The following RFX3 variants were observed in gnomAD, a reference collection of about 807,000 sequenced individuals.
RFX3 encodes the protein regulatory factor X3.
In RFX3, 14 loss-of-function variants were observed where a neutral mutation model predicts 98.6. The observed-to-expected ratio is 0.14, with a 90% confidence interval of 0.09 to 0.22. The LOEUF is 0.22. RFX3 is among the 10% of genes least tolerant of loss of function. RFX3 has a pLI of 1.00. For missense variants in RFX3, 639 were observed against 926.9 expected (o/e 0.69, Z 4.03); for synonymous variants, 383 against 328.4 (o/e 1.17, Z -1.80).
chr9:3,492,506 C>T (rs528402256), intron 1 of RFX3, among the ~76,000 whole-genome samples: 1 of 152,320 alleles, frequency 6.6e-6, no homozygotes, highest in Admixed American at 6.5e-5. Context: ...CAGCACATTC[C>T]CAGGACCCCA....
intron 2 of RFX3, among the ~76,000 whole-genome samples, chr9:3,394,229 C>T (rs1840617735): frequency 6.6e-6 from 1 of 152,006 alleles, no homozygotes; most frequent in Admixed American, 6.6e-5. Flanking sequence ...TTTGGGAGGT[C>T]GAGGTGGGCG....
intron 2 of RFX3, 24 bp downstream of exon 2, chr9:3,395,448 T>C: frequency 2.5e-6 from 4 of 1,608,294 alleles, no homozygotes; most frequent in Non-Finnish European, 3.4e-6. Flanking sequence ...AACAGCATCT[T>C]TTCTAAGAGC....
chr9:3,340,660 T>C (rs369093020), intron 3 of RFX3, among the ~76,000 whole-genome samples: 14 of 152,276 alleles, frequency 9.2e-5, no homozygotes, highest in African/African-American at 3.4e-4. Flanking sequence ...AAAATGCTCA[T>C]CATCACTGGC....
At chr9:3,365,986 G>C (rs1167345172) in intron 2 of RFX3, among the ~76,000 whole-genome samples, 4 of 151,962 alleles carry the variant, frequency 2.6e-5, no homozygotes, top group African/African-American at 9.7e-5. Context: ...CTGTGTGGCA[G>C]TCAGTGGTGC....
chr9:3,307,288 A>G (rs535129254), intron 4 of RFX3, among the ~76,000 whole-genome samples: 2 of 152,262 alleles, frequency 1.3e-5, no homozygotes, highest in South Asian at 2.1e-4. Flanking sequence ...ATAGGTAAAT[A>G]TATACAGACT....
chr9:3,419,250 T>C (rs1050688269), intron 1 of RFX3, among the ~76,000 whole-genome samples: 5 of 152,232 alleles, frequency 3.3e-5, no homozygotes, highest in Non-Finnish European at 7.3e-5. Flanking sequence ...AAATAGATGC[T>C]GTACTATCAA....
intron 11 of RFX3, among the ~76,000 whole-genome samples, chr9:3,269,906 C>G (rs16916321): frequency 0.049 from 7,384 of 152,016 alleles, 513 homozygotes; most frequent in African/African-American, 0.16. Context: ...GTTGGCCTAG[C>G]AATTACAGAT....
At chr9:3,269,679 C>G (rs944747497) in intron 11 of RFX3, among the ~76,000 whole-genome samples, 2 of 152,124 alleles carry the variant, frequency 1.3e-5, no homozygotes, top group African/African-American at 4.8e-5. Context: ...TCTAACCTAT[C>G]TATGTAATTC....
At chr9:3,489,007 T>C (rs1850512685) in intron 1 of RFX3, 1 of 460,268 alleles carries the variant, frequency 2.2e-6, no homozygotes, top group African/African-American at 2.1e-5. Context: ...TGAACACAAT[T>C]TTTAGAACTT....
At chr9:3,251,091 T>C (rs868257291) in intron 14 of RFX3, among the ~76,000 whole-genome samples, 3 of 152,198 alleles carry the variant, frequency 2.0e-5, no homozygotes, top group Non-Finnish European at 4.4e-5. Flanking sequence ...AATAAGGGAA[T>C]GTTTAAATAA....
rs1297201243 is a variant in RFX3 at position 3,504,909 on chromosome 9, T to A, written c.-9+20838A>T. On this transcript the variant is annotated intron_variant, in intron 1 of 16. Transcript: ENST00000617270. The stretch of plus-strand genomic sequence containing the variant: ...TATAATATAACATATATTATATATA[T>A]ATATAATATAACATATATTATATAT... Among the ~76,000 whole-genome samples the A allele has an allele frequency of 1.1e-4, 8 of 72,760 alleles. No homozygotes were observed. The East Asian group carries it at 4.0e-3, about 36-fold the overall frequency. 47.7% of individuals were successfully genotyped at this position (72,760 alleles called of 152,430 possible). A position where few individuals can be genotyped will look rare whatever the true frequency, so the allele number is the denominator to read the frequency against.
At chr9:3,419,869 C>T (rs1025859846) in intron 1 of RFX3, among the ~76,000 whole-genome samples, 9 of 152,104 alleles carry the variant, frequency 5.9e-5, no homozygotes, top group Admixed American at 5.9e-4. Context: ...CAAATATTTT[C>T]AATCCATAAT....
At chr9:3,278,254 G>C (rs956734794) in intron 7 of RFX3, among the ~76,000 whole-genome samples, 23 of 151,864 alleles carry the variant, frequency 1.5e-4, no homozygotes, top group African/African-American at 5.3e-4. Flanking sequence ...GCCTGGCCAA[G>C]TATCCTAGGA....
chr9:3,450,723 T>C (rs142492893), intron 1 of RFX3, among the ~76,000 whole-genome samples: 11 of 152,186 alleles, frequency 7.2e-5, no homozygotes, highest in African/African-American at 2.7e-4. Context: ...ACAAAAAAAA[T>C]CAAATCAAGT....
At chr9:3,237,157 A>C (rs1586683210) in intron 15 of RFX3, among the ~76,000 whole-genome samples, 1 of 152,308 alleles carries the variant, frequency 6.6e-6, no homozygotes, top group East Asian at 1.9e-4. Context: ...TCTAGTTAGA[A>C]CTAATTATGT....
intron 1 of RFX3, among the ~76,000 whole-genome samples, chr9:3,521,961 G>A (rs7041421): frequency 0.084 from 12,741 of 151,768 alleles, 1,458 homozygotes; most frequent in African/African-American, 0.26. Flanking sequence ...AGAATCTGCA[G>A]GTTCTACCAC....
intron 3 of RFX3, among the ~76,000 whole-genome samples, chr9:3,342,453 ATGCATACTTT>A (rs1203555033): frequency 1.3e-5 from 2 of 152,204 alleles, no homozygotes; most frequent in African/African-American, 4.8e-5. Context: ...TATCCATACA[ATGCATACTTT>A]TGCATTTTAA....
chr9:3,376,716 G>A (rs942152985), intron 2 of RFX3, among the ~76,000 whole-genome samples: 3 of 151,962 alleles, frequency 2.0e-5, no homozygotes, highest in African/African-American at 7.3e-5. Flanking sequence ...CTAATATCCA[G>A]AATCTACAAT....
In RFX3 at chr9:3,333,429, G is replaced by C. The variant is rs561230789; in HGVS notation, c.216-2912C>G. ...GGGTGATGATAGAAACAAATTCATA[G>C]AAAATGTTTTTTTTTTTTTTTTTCC... On this transcript the variant is annotated intron_variant, in intron 3 of 16. Transcript: ENST00000617270. Among the ~76,000 whole-genome samples the C allele has an allele frequency of 1.5e-3, 210 of 139,206 alleles. 3 individuals carry two copies. In the Middle Eastern group the frequency reaches 0.015, roughly 10 times the overall value. The allele number at this position is 139,206 out of a possible 152,430, so 91.3% of individuals were successfully genotyped here.
Sources: allele counts gnomAD v4.1 joint callset (sites outside exome capture counted in the v4.1 genomes callset), GRCh38; gene constraint gnomAD v4.1.1; transcripts MANE v1.5; gene names NCBI Gene and HGNC (gene_info 2026-07-23, HGNC 2026-07-21).